The following SLC27A2 variants were observed in gnomAD, a reference collection of about 807,000 sequenced individuals.
SLC27A2 encodes long-chain fatty acid transport protein 2.
In SLC27A2, 54 loss-of-function variants were observed where a neutral mutation model predicts 60.0. The ratio of observed to expected loss-of-function variants is 0.90; its 90% confidence interval spans 0.72 to 1.13. The LOEUF (loss-of-function observed/expected upper bound fraction) is 1.13. Ranked by LOEUF, SLC27A2 falls within the 50% of genes most tolerant of loss-of-function variation. The probability of loss-of-function intolerance (pLI) is 0.00; values close to 1 mark genes in which losing one functional copy is unlikely to be tolerated. For synonymous variants in SLC27A2, 297 were observed against 297.6 expected (o/e 1.00, Z 0.02); for missense variants, 739 against 777.6 (o/e 0.95, Z 0.59).
chr15:50,212,183 C>A (rs769699603), intron 4 of SLC27A2, among the ~76,000 whole-genome samples: 2 of 149,690 alleles, frequency 1.3e-5, no homozygotes, highest in African/African-American at 4.9e-5. Flanking sequence ...TAGAATTGAA[C>A]AAGTAGAAGA....
chr15:50,228,948 G>A lies in SLC27A2; in HGVS notation c.1461G>A (p.Trp487Ter), dbSNP rs2045296765. 2 of 1,612,446 alleles carry A rather than the reference G, an allele frequency of 1.2e-6. No homozygotes were observed. The highest frequency in any genetic ancestry group is 2.2e-5 in the South Asian group (2 of 91,044). The part of the protein sequence containing the change: ...FHDRVGDTFR[W>*]KGENVATTEV... ...CTAACTTTGTCCTTTCTTCCAGGTG[G>A]AAAGGGGAAAATGTGGCCACCACTG... Residue 487 changes from tryptophan (W) to a stop codon, truncating the protein, a stop_gained, in exon 8 of 10, where the codon TGG becomes TGA. Transcript: ENST00000267842. LOFTEE classifies it high-confidence loss of function.
At chr15:50,191,082 G>A (rs2044969487) in intron 1 of SLC27A2, 1 of 152,176 alleles carries the variant, frequency 6.6e-6, no homozygotes. Flanking sequence ...CATTTTGCAT[G>A]TGACCCTCCA....
chr15:50,202,577 T>C lies in SLC27A2; in HGVS notation c.779T>C (p.Ile260Thr). 1 of 1,614,028 alleles carries C rather than the reference T, an allele frequency of 6.2e-7. No homozygotes were observed. Among genetic ancestry groups the C allele is most frequent in the African/African-American group, 1.3e-5 (1 of 75,054 alleles). ...FVSGLKADDV[I>T]YITLPFYHSA... ...AGCGGATTGAAGGCAGATGATGTCA[T>C]CTATATCACTCTGCCCTTTTACCAC... The change falls in exon 3 of 10, where the codon ATC becomes ACC. Residue 260 changes from isoleucine (I) to threonine (T), a missense_variant. Ile to Thr is a moderately conservative substitution (Grantham distance 89). Transcript: ENST00000267842.
chr15:50,214,990 C>T (rs8039212), intron 4 of SLC27A2, among the ~76,000 whole-genome samples: 50,176 of 151,896 alleles, frequency 0.33, 8,439 homozygotes, highest in African/African-American at 0.39. Context: ...GAAAGAAATA[C>T]AGGGCATCCA....
intron 1 of SLC27A2, among the ~76,000 whole-genome samples, chr15:50,186,339 C>G (rs117597976): frequency 0.022 from 3,349 of 152,246 alleles, 50 homozygotes; most frequent in Admixed American, 0.033. Context: ...ATAAGAAACC[C>G]CACCGCCAAC....
intron 8 of SLC27A2, among the ~76,000 whole-genome samples, chr15:50,229,738 G>A (rs2045303879): frequency 6.6e-6 from 1 of 152,150 alleles, no homozygotes; most frequent in African/African-American, 2.4e-5. Context: ...TATAAGGGTT[G>A]TTGTGACAAT....
chr15:50,185,034 T>C (rs1191823822), intron 1 of SLC27A2, among the ~76,000 whole-genome samples: 2 of 152,226 alleles, frequency 1.3e-5, no homozygotes, highest in Non-Finnish European at 2.9e-5. Flanking sequence ...GTGATCTTTG[T>C]ACCACTTCAG....
At chr15:50,211,846 C>T (rs2045158407) in intron 4 of SLC27A2, among the ~76,000 whole-genome samples, 2 of 151,672 alleles carry the variant, frequency 1.3e-5, no homozygotes, top group South Asian at 2.1e-4. Flanking sequence ...CTGAGGCAGG[C>T]AGATCACAAG....
intron 1 of SLC27A2, among the ~76,000 whole-genome samples, chr15:50,192,410 AG>A (rs2044981367): frequency 6.6e-6 from 1 of 152,250 alleles, no homozygotes; most frequent in Non-Finnish European, 1.5e-5. Context: ...ATGCCTGCAG[AG>A]GGCCAGCTGG....
intron 4 of SLC27A2, among the ~76,000 whole-genome samples, chr15:50,216,610 GTATATATATATATATA>G (rs59683706): frequency 0.097 from 6,482 of 66,558 alleles, 561 homozygotes; most frequent in Non-Finnish European, 0.13. Context: ...GTGTGTGTGT[GTATATATATATATATA>G]TATATATATA....
At chr15:50,187,717 C>T (rs901783638) in intron 1 of SLC27A2, among the ~76,000 whole-genome samples, 6 of 152,142 alleles carry the variant, frequency 3.9e-5, no homozygotes, top group Non-Finnish European at 7.4e-5. Flanking sequence ...TACCTTTGAC[C>T]TGGTTTTGCA....
chr15:50,226,388 T>G (rs1223442606), intron 6 of SLC27A2, among the ~76,000 whole-genome samples: 1 of 152,174 alleles, frequency 6.6e-6, no homozygotes, highest in Non-Finnish European at 1.5e-5. Flanking sequence ...TTAACAACTG[T>G]GCGTTTGTGT....
At chr15:50,224,419 A>G (rs1047557835) in intron 5 of SLC27A2, among the ~76,000 whole-genome samples, 6 of 152,180 alleles carry the variant, frequency 3.9e-5, no homozygotes, top group Admixed American at 2.0e-4. Flanking sequence ...CAGCCTGGGC[A>G]ACAGAGCGAA....
intron 2 of SLC27A2, 90 bp downstream of exon 2, chr15:50,197,799 G>A (rs1372150002): frequency 8.0e-6 from 7 of 874,556 alleles, no homozygotes; most frequent in East Asian, 7.6e-5. Flanking sequence ...TTGGCAAAAC[G>A]TATTGGGTAA....
At chr15:50,185,604 A>C (rs1312395919) in intron 1 of SLC27A2, among the ~76,000 whole-genome samples, 1 of 149,628 alleles carries the variant, frequency 6.7e-6, no homozygotes, top group Non-Finnish European at 1.5e-5. Context: ...AAGCCCAAGA[A>C]TCACCTAGGA....
chr15:50,202,879 C>T (rs1450416468), intron 3 of SLC27A2, among the ~76,000 whole-genome samples: 2 of 151,998 alleles, frequency 1.3e-5, no homozygotes, highest in African/African-American at 4.8e-5. Context: ...AAGAGACAAA[C>T]TCCTTTAAAA....
intron 4 of SLC27A2, chr15:50,221,825 A>T (rs1440218425): frequency 1.3e-5 from 2 of 152,298 alleles, no homozygotes; most frequent in Non-Finnish European, 2.9e-5. Flanking sequence ...CTCTTCCACC[A>T]ACCTGTGATT....
At chr15:50,195,745 G>C (rs1468363595) in intron 1 of SLC27A2, among the ~76,000 whole-genome samples, 6 of 151,726 alleles carry the variant, frequency 4.0e-5, no homozygotes, top group African/African-American at 1.2e-4. Flanking sequence ...AAGCATATCA[G>C]ATGAATTAGG....
chr15:50,182,357 G>A lies in SLC27A2; in HGVS notation c.-71G>A, dbSNP rs562440419. ...CAGCCCGCCAGTCCGCCCGGAGCCCGCCCAGTCGCCGCGCTGCACGCCCGG... is the reference window on the plus strand; with the variant it reads ...CAGCCCGCCAGTCCGCCCGGAGCCCACCCAGTCGCCGCGCTGCACGCCCGG... On this transcript the variant is annotated 5_prime_UTR_variant, in exon 1 of 10. Coordinates refer to ENST00000267842, the MANE Select transcript of SLC27A2 (RefSeq NM_003645.4). 102 of 1,400,484 alleles carry A rather than the reference G, an allele frequency of 7.3e-5. No individual in the cohort carries two copies. The African/African-American group carries it at 1.3e-3, about 18-fold the overall frequency. The allele number at this position is 1,400,484 out of a possible 1,614,324, so 86.8% of individuals were successfully genotyped here.
Sources: allele counts gnomAD v4.1 joint callset (sites outside exome capture counted in the v4.1 genomes callset), GRCh38; gene constraint gnomAD v4.1.1; transcripts MANE v1.5; gene names NCBI Gene and HGNC (gene_info 2026-07-23, HGNC 2026-07-21).